GNG4: variants seen among roughly 807,000 people sequenced by gnomAD.
The protein encoded by GNG4 is G protein subunit gamma 4.
In GNG4, 4 loss-of-function variants were observed where a neutral mutation model predicts 5.8. The observed-to-expected ratio is 0.69, with a 90% CI of 0.34 to 1.57. The LOEUF (loss-of-function observed/expected upper bound fraction) is 1.57, where lower values mean the gene tolerates loss of function less well. Ranked by LOEUF, GNG4 falls within the 40% of genes most tolerant of loss-of-function variation. The pLI, the probability that GNG4 is intolerant of heterozygous loss-of-function variation, is 0.06. For missense variants in GNG4, 96 were observed against 95.1 expected, an observed-to-expected ratio of 1.01 and a Z score of -0.04; for synonymous variants, 29 against 32.9, an observed-to-expected ratio of 0.88 and a Z score of 0.41.
intron 1 of GNG4, among the ~76,000 whole-genome samples, chr1:235,619,686 C>A (rs1389473235): frequency 6.6e-6 from 1 of 152,152 alleles, no homozygotes; most frequent in African/African-American, 2.4e-5. Context: ...TTTATATTAT[C>A]TTTATTATTG....
At chr1:235,618,600 C>G (rs1018645988) in intron 1 of GNG4, among the ~76,000 whole-genome samples, 2 of 151,832 alleles carry the variant, frequency 1.3e-5, no homozygotes, top group Non-Finnish European at 1.5e-5. Flanking sequence ...CAAACTGATT[C>G]GTGTGCATGA....
At chr1:235,605,755 C>T (rs918750127) in intron 1 of GNG4, among the ~76,000 whole-genome samples, 26 of 152,178 alleles carry the variant, frequency 1.7e-4, no homozygotes, top group Middle Eastern at 3.4e-3. Flanking sequence ...AACTGAGAAC[C>T]AGCCTGGCAC....
At chr1:235,623,566 G>T (rs1055634744) in intron 1 of GNG4, among the ~76,000 whole-genome samples, 1 of 152,156 alleles carries the variant, frequency 6.6e-6, no homozygotes, top group Non-Finnish European at 1.5e-5. Context: ...GCTGTAGCGG[G>T]CTTGCTCCAT....
intron 1 of GNG4, among the ~76,000 whole-genome samples, chr1:235,604,642 G>C (rs771699125): frequency 1.3e-5 from 2 of 151,962 alleles, no homozygotes; most frequent in South Asian, 2.1e-4. Context: ...TGTCATCTTC[G>C]CTCCTTATAA....
intron 1 of GNG4, among the ~76,000 whole-genome samples, chr1:235,635,962 C>A (rs1383296633): frequency 1.3e-5 from 2 of 152,154 alleles, no homozygotes; most frequent in Admixed American, 1.3e-4. Flanking sequence ...AGCTGAAGGG[C>A]AGAAGACTGA....
chr1:235,638,124 C>A (rs990108171), intron 1 of GNG4, among the ~76,000 whole-genome samples: 1 of 152,182 alleles, frequency 6.6e-6, no homozygotes, highest in African/African-American at 2.4e-5. Context: ...CCCTTCCAGG[C>A]GGGAGGAACA....
intron 3 of GNG4, among the ~76,000 whole-genome samples, chr1:235,572,981 C>T (rs904730763): frequency 3.9e-5 from 6 of 152,112 alleles, no homozygotes; most frequent in Non-Finnish European, 7.4e-5. Context: ...TACCAGTATG[C>T]TTGCTGCAGT....
chr1:235,599,965 CCCA>C (rs1688218805), intron 1 of GNG4, among the ~76,000 whole-genome samples: 1 of 152,130 alleles, frequency 6.6e-6, no homozygotes, highest in Admixed American at 6.5e-5. Context: ...CAGATGTCAA[CCCA>C]CCAGCCTACC....
chr1:235,576,535 T>C (rs1026235025), intron 3 of GNG4, among the ~76,000 whole-genome samples: 3 of 152,238 alleles, frequency 2.0e-5, no homozygotes, highest in African/African-American at 4.8e-5. Flanking sequence ...CCAAGCTTTG[T>C]GCTTTTTGTG....
At chr1:235,640,761 G>A (rs550348669) in intron 1 of GNG4, among the ~76,000 whole-genome samples, 182 of 152,332 alleles carry the variant, frequency 1.2e-3, no homozygotes, top group African/African-American at 4.3e-3. Context: ...CCCCCTGCAG[G>A]GCTCCAGGAA....
chr1:235,608,996 TTTG>T (rs956797213), intron 1 of GNG4, among the ~76,000 whole-genome samples: 6 of 152,178 alleles, frequency 3.9e-5, no homozygotes, highest in African/African-American at 1.2e-4. Context: ...TCAATTTTTT[TTTG>T]TTGTTGTTGT....
chr1:235,639,030 C>A (rs181074258), intron 1 of GNG4, among the ~76,000 whole-genome samples: 3 of 152,170 alleles, frequency 2.0e-5, no homozygotes, highest in South Asian at 2.1e-4. Flanking sequence ...CAGTAACGGG[C>A]CCTCCTGCAT....
chr1:235,588,368 G>A (rs995631447), intron 2 of GNG4, among the ~76,000 whole-genome samples: 10 of 151,952 alleles, frequency 6.6e-5, no homozygotes, highest in African/African-American at 1.5e-4. Flanking sequence ...GGCCCCCAGC[G>A]GGGGCTGTGC....
intron 3 of GNG4, among the ~76,000 whole-genome samples, chr1:235,558,620 G>A (rs946116753): frequency 2.6e-5 from 4 of 152,176 alleles, no homozygotes; most frequent in Non-Finnish European, 5.9e-5. Flanking sequence ...GTACCAAATA[G>A]GGGTTGCAGA....
chr1:235,576,154 G>A (rs546369355), intron 3 of GNG4, among the ~76,000 whole-genome samples: 117 of 150,912 alleles, frequency 7.8e-4, no homozygotes, highest in African/African-American at 2.7e-3. Flanking sequence ...TCCGCGTCCC[G>A]GATTCAAGCG....
chr1:235,593,398 CA>C (rs1394007085), intron 2 of GNG4, among the ~76,000 whole-genome samples: 1 of 152,316 alleles, frequency 6.6e-6, no homozygotes, highest in East Asian at 1.9e-4. Flanking sequence ...TTCTGGAAGC[CA>C]AATGTCATTG....
chr1:235,617,623 G>A (rs899801327), intron 1 of GNG4, among the ~76,000 whole-genome samples: 6 of 152,136 alleles, frequency 3.9e-5, no homozygotes, highest in Admixed American at 6.6e-5. Flanking sequence ...GGTGGCTCAC[G>A]CCTGTAATCC....
In GNG4 at chr1:235,549,256, G is replaced by A. The variant is rs1342698053; in HGVS notation, c.*2853C>T. The A allele has an allele frequency of 1.3e-5, 2 of 152,200 alleles. No homozygotes were observed. The highest frequency in any genetic ancestry group is 2.9e-5 in the Non-Finnish European group (2 of 68,112). The allele number at this position is 152,200 out of a possible 1,614,324, so 9.4% of individuals were successfully genotyped here. A position where few individuals can be genotyped will look rare whatever the true frequency, so the allele number is the denominator to read the frequency against. Reference sequence around the variant, plus strand: ...GATTCAGGATCACTCTAGGAAGGGTGACCCGTCCCCAAATGCCATAGGTCT... The same window carrying A: ...GATTCAGGATCACTCTAGGAAGGGTAACCCGTCCCCAAATGCCATAGGTCT... On this transcript the variant is annotated 3_prime_UTR_variant, in exon 4 of 4. Coordinates refer to ENST00000391854, the MANE Select transcript of GNG4 (RefSeq NM_001098722.2).
chr1:235,558,288 A>G (rs1201881776), intron 3 of GNG4, among the ~76,000 whole-genome samples: 4 of 152,222 alleles, frequency 2.6e-5, no homozygotes, highest in African/African-American at 9.6e-5. Flanking sequence ...CATCTAATAC[A>G]GCATAAGTCA....
Sources: gnomAD v4.1 joint callset for allele counts (sites outside exome capture counted in the v4.1 genomes callset) on GRCh38, gnomAD v4.1.1 for gene constraint, MANE v1.5 for transcripts, NCBI Gene and HGNC (gene_info 2026-07-23, HGNC 2026-07-21) for gene names.